MERTK: variants seen among roughly 807,000 people sequenced by gnomAD.
MERTK encodes MER proto-oncogene, tyrosine kinase.
In MERTK, 69 loss-of-function variants were observed where a neutral mutation model predicts 99.3. The observed-to-expected ratio is 0.70, with a 90% CI of 0.57 to 0.85. MERTK has a LOEUF of 0.85. MERTK is among the 40% of genes least tolerant of loss of function. The pLI is 0.00. For synonymous variants in MERTK, 426 were observed against 467.6 expected (o/e 0.91, Z 1.15); for missense variants, 1,125 against 1,249.4 (o/e 0.90, Z 1.50).
At chr2:111,943,108 A>G (rs1047926044) in intron 2 of MERTK, among the ~76,000 whole-genome samples, 7 of 152,316 alleles carry the variant, frequency 4.6e-5, no homozygotes, top group African/African-American at 1.7e-4. Context: ...CTATCAGGCC[A>G]TGGTTCAGGA....
intron 4 of MERTK, among the ~76,000 whole-genome samples, chr2:111,958,323 G>T (rs1286221210): frequency 1.3e-5 from 2 of 152,206 alleles, no homozygotes; most frequent in Non-Finnish European, 2.9e-5. Flanking sequence ...GAACTGGCGA[G>T]TGAGAGGGAG....
In MERTK at chr2:111,947,323, T is replaced by C. The variant is rs902412214; in HGVS notation, c.584-71T>C. On this transcript the variant is annotated intron_variant, in intron 3 of 18. Transcript: ENST00000295408. ...TCTATTGCCAAGTTCTAGTCCAGTT[T>C]CCATTCCCCTTTGGGCTCTGTCTCT... The C allele has an allele frequency of 1.4e-4, 210 of 1,534,266 alleles. 1 individual carries two copies. The highest frequency in any genetic ancestry group is 2.2e-4 in the Admixed American group (13 of 59,512).
At chr2:111,974,704 G>A (rs1159028979) in intron 6 of MERTK, among the ~76,000 whole-genome samples, 2 of 146,300 alleles carry the variant, frequency 1.4e-5, no homozygotes, top group Non-Finnish European at 3.0e-5. Context: ...GGGAGGCGGA[G>A]GTTGCAGTGA....
At chr2:111,899,452 A>G (rs1684000098) in intron 1 of MERTK, among the ~76,000 whole-genome samples, 1 of 152,068 alleles carries the variant, frequency 6.6e-6, no homozygotes, top group East Asian at 1.9e-4. Flanking sequence ...CTGTTATGGC[A>G]GAACAGAACT....
At chr2:111,950,900 A>G (rs900301914) in intron 4 of MERTK, among the ~76,000 whole-genome samples, 3 of 152,178 alleles carry the variant, frequency 2.0e-5, no homozygotes, top group Admixed American at 2.0e-4. Context: ...ATCAATGAAT[A>G]CATTATATCT....
At chr2:111,993,763 A>T (rs1384726294) in intron 8 of MERTK, among the ~76,000 whole-genome samples, 1 of 152,204 alleles carries the variant, frequency 6.6e-6, no homozygotes, top group Non-Finnish European at 1.5e-5. Flanking sequence ...TGAAAGAAAA[A>T]AAAAAGTGTC....
intron 4 of MERTK, among the ~76,000 whole-genome samples, chr2:111,947,976 A>T (rs924166734): frequency 6.6e-6 from 1 of 152,076 alleles, no homozygotes; most frequent in African/African-American, 2.4e-5. Context: ...TATTGCAGGA[A>T]GTGTGAGCCC....
chr2:112,016,881 G>A (rs535860367), intron 15 of MERTK, among the ~76,000 whole-genome samples: 6 of 152,340 alleles, frequency 3.9e-5, no homozygotes, highest in Admixed American at 2.0e-4. Context: ...CCTGAGGTCA[G>A]GATGTGTCCG....
chr2:111,909,015 T>C (rs1684192340), intron 1 of MERTK, among the ~76,000 whole-genome samples: 1 of 152,170 alleles, frequency 6.6e-6, no homozygotes, highest in Non-Finnish European at 1.5e-5. Context: ...GATAAATATA[T>C]GAAAAAATGC....
chr2:111,919,968 C>T (rs1310123297), intron 1 of MERTK, among the ~76,000 whole-genome samples: 3 of 151,984 alleles, frequency 2.0e-5, no homozygotes, highest in African/African-American at 7.2e-5. Flanking sequence ...TGCCAGGTCC[C>T]TGTTTGCCCC....
chr2:111,990,634 A>G (rs914986659), intron 8 of MERTK, among the ~76,000 whole-genome samples: 14 of 152,336 alleles, frequency 9.2e-5, no homozygotes, highest in African/African-American at 3.4e-4. Flanking sequence ...CCCTTATCCA[A>G]AGTGTCTGGG....
intron 8 of MERTK, among the ~76,000 whole-genome samples, chr2:111,993,477 A>G (rs556336331): frequency 5.9e-5 from 9 of 152,290 alleles, no homozygotes; most frequent in African/African-American, 2.2e-4. Context: ...CAAATTTCCA[A>G]AATTCAGAGA....
At chr2:111,998,031 A>C (rs986703932) in intron 10 of MERTK, among the ~76,000 whole-genome samples, 1 of 152,138 alleles carries the variant, frequency 6.6e-6, no homozygotes, top group African/African-American at 2.4e-5. Context: ...GTGTATGGCT[A>C]TACTTTGGAG....
chr2:111,913,046 G>A (rs1164423775), intron 1 of MERTK: 2 of 985,296 alleles, frequency 2.0e-6, no homozygotes, highest in East Asian at 1.1e-4. Context: ...AAGGCCTGGC[G>A]AAAGGTGAAA....
At chr2:111,911,149 C>A (rs1684239908) in intron 1 of MERTK, among the ~76,000 whole-genome samples, 1 of 152,112 alleles carries the variant, frequency 6.6e-6, no homozygotes, top group African/African-American at 2.4e-5. Context: ...GATTGGGTCC[C>A]CTTTGTGGAA....
chr2:111,914,738 C>T (rs970205000), intron 1 of MERTK, among the ~76,000 whole-genome samples: 1 of 152,172 alleles, frequency 6.6e-6, no homozygotes, highest in African/African-American at 2.4e-5. Context: ...CTATCCATGG[C>T]ATAAATTCCA....
chr2:111,898,887 G>A (rs139599782), intron 1 of MERTK, 91 bp downstream of exon 1: 2 of 1,334,668 alleles, frequency 1.5e-6, no homozygotes, highest in East Asian at 2.6e-5. Flanking sequence ...CCACAGGGGC[G>A]CGCCTGGCTG....
chr2:111,939,806 A>G (rs747314086), intron 2 of MERTK, among the ~76,000 whole-genome samples: 3 of 151,670 alleles, frequency 2.0e-5, no homozygotes, highest in Admixed American at 2.0e-4. Context: ...ACCCAGCCCC[A>G]TAGCGATTCT....
chr2:111,964,272 G>T (rs962996256), intron 4 of MERTK, among the ~76,000 whole-genome samples: 1 of 151,922 alleles, frequency 6.6e-6, no homozygotes, highest in Non-Finnish European at 1.5e-5. Flanking sequence ...ATAATCCAAA[G>T]CTACTTTATT....
Sources: gnomAD v4.1 joint callset for allele counts (sites outside exome capture counted in the v4.1 genomes callset) on GRCh38, gnomAD v4.1.1 for gene constraint, MANE v1.5 for transcripts, NCBI Gene and HGNC (gene_info 2026-07-23, HGNC 2026-07-21) for gene names.